Variants in NBN observed in about 807,000 individuals in gnomAD.
NBN encodes the protein Nijmegen breakage syndrome 1 (nibrin).
In NBN, 88 loss-of-function variants were observed where a neutral mutation model predicts 90.8. The observed-to-expected ratio is 0.97, with a 90% CI of 0.82 to 1.16. NBN has a LOEUF of 1.16. NBN is among the 50% of genes most tolerant of loss of function. NBN has a pLI of 0.00. For missense variants in NBN, 894 were observed against 869.6 expected (o/e 1.03, Z -0.35); for synonymous variants, 328 against 295.1 (o/e 1.11, Z -1.14).
chr8:89,955,688 A>G (rs1379761406), intron 9 of NBN, 133 bp from the exon 10 acceptor site: 11 of 1,035,186 alleles, frequency 1.1e-5, no homozygotes, highest in South Asian at 1.6e-5. Flanking sequence ...TACACTGAAT[A>G]TATTTTACCA....
rs867508924 is a variant in NBN, at chr8:89,933,979, A to G, written c.*1603T>C. 9.1e-5 allele frequency: 21 copies of G among 231,292 alleles called. No homozygotes were observed. The highest frequency in any genetic ancestry group is 3.4e-4 in the Admixed American group (6 of 17,730). 14.3% of individuals were successfully genotyped at this position (231,292 alleles called of 1,614,324 possible). ...AAGGAAAAATACTGACAACACCAAT[A>G]TTTGTAAAGACAGGAGGTACCAGAA... On this transcript the variant is annotated 3_prime_UTR_variant, in exon 16 of 16. Transcript: ENST00000265433.
At chr8:89,965,976 C>T (rs1811235265) in intron 7 of NBN, among the ~76,000 whole-genome samples, 1 of 152,050 alleles carries the variant, frequency 6.6e-6, no homozygotes, top group African/African-American at 2.4e-5. Flanking sequence ...TTAGGTAATT[C>T]AAAACTGGTA....
chr8:89,951,434 G>A (rs756697588), intron 11 of NBN, among the ~76,000 whole-genome samples: 29 of 151,954 alleles, frequency 1.9e-4, no homozygotes, highest in Admixed American at 1.2e-3. Context: ...CCAAAGGTGT[G>A]GCCAAAGTAA....
chr8:89,951,567 C>T (rs923129096), intron 11 of NBN, among the ~76,000 whole-genome samples: 2 of 152,018 alleles, frequency 1.3e-5, no homozygotes, highest in African/African-American at 4.8e-5. Flanking sequence ...ATAAAGATAG[C>T]TTTATAAACA....
chr8:89,955,379 G>A lies in NBN; in HGVS notation c.1301C>T (p.Thr434Ile), dbSNP rs757452107. 13 of 1,613,606 alleles carry A rather than the reference G, an allele frequency of 8.1e-6. No homozygotes were observed. Among genetic ancestry groups the A allele is most frequent in the Middle Eastern group, 1.6e-4 (1 of 6,080 alleles). ...ACTTTTATTTATACTTGGCAATTTA[G>A]TTGGTGAAAGCTGATAGTTTGGGAT... ...MRIPNYQLSP[T>I]KLPSINKSKD... The change falls in exon 10 of 16, where the codon ACT (threonine) becomes ATT (isoleucine). Residue 434 changes from threonine (T) to isoleucine (I), a missense_variant. Transcript: ENST00000265433.
rs868637892 is a variant in NBN, at chr8:89,981,301, A to T, written c.320+74T>A. Reference sequence around the variant, plus strand: ...TTATACTGTTTTAAATTCATTAATCAGAAATATCATTTTCCTTTAGGATTT... The same window carrying T: ...TTATACTGTTTTAAATTCATTAATCTGAAATATCATTTTCCTTTAGGATTT... On this transcript the variant is annotated intron_variant, in intron 3 of 15. Transcript: ENST00000265433. The T allele has an allele frequency of 2.3e-5, 33 of 1,452,908 alleles. No individual in the cohort carries two copies. In the Middle Eastern group the frequency reaches 8.7e-4, roughly 38 times the overall value. 90.0% of individuals were successfully genotyped at this position (1,452,908 alleles called of 1,614,324 possible).
At chr8:89,955,146 A>C (rs1810636593) in intron 10 of NBN, 137 bp downstream of exon 10, 1 of 791,032 alleles carries the variant, frequency 1.3e-6, no homozygotes, top group East Asian at 2.5e-5. Context: ...GACATTTCTG[A>C]GAGGGAAAGC....
chr8:89,948,325 C>T (rs553652466), intron 11 of NBN, among the ~76,000 whole-genome samples: 2 of 152,240 alleles, frequency 1.3e-5, no homozygotes, highest in African/African-American at 4.8e-5. Context: ...TTATTTTCTA[C>T]ATGTCTGTAC....
intron 7 of NBN, among the ~76,000 whole-genome samples, chr8:89,968,020 G>A (rs1487047714): frequency 6.6e-6 from 1 of 152,208 alleles, no homozygotes; most frequent in Admixed American, 6.5e-5. Flanking sequence ...CACTTTGGGA[G>A]GCTGAGGCAG....
intron 6 of NBN, 133 bp downstream of exon 6, chr8:89,971,040 G>A: frequency 1.0e-6 from 1 of 966,198 alleles, no homozygotes; most frequent in Non-Finnish European, 1.5e-6. Flanking sequence ...GGTGCCTGGG[G>A]TTTTTTTATT....
intron 7 of NBN, among the ~76,000 whole-genome samples, chr8:89,965,278 A>C (rs1811199386): frequency 6.6e-6 from 1 of 152,196 alleles, no homozygotes; most frequent in Non-Finnish European, 1.5e-5. Context: ...CATGTGTTAC[A>C]ACTTTTAGTA....
intron 4 of NBN, 97 bp downstream of exon 4, chr8:89,980,637 G>T: frequency 2.0e-6 from 2 of 1,004,616 alleles, no homozygotes; most frequent in Non-Finnish European, 3.0e-6. Flanking sequence ...TAACAGTTCT[G>T]ATAGTTTTAA....
In NBN at chr8:89,934,077, A is replaced by C; in HGVS notation, c.*1505T>G. On this transcript the variant is annotated 3_prime_UTR_variant, in exon 16 of 16. Transcript: ENST00000265433. ...GTAGGGCAGTCTTCCTTAGAAAGGG[A>C]TTGTGGGCATGACAGAGAACAATAT... The C allele has an allele frequency of 4.3e-6, 1 of 230,302 alleles. No homozygotes were observed. The highest frequency in any genetic ancestry group is 8.6e-6 in the Non-Finnish European group (1 of 116,240). The allele number at this position is 230,302 out of a possible 1,614,324, so 14.3% of individuals were successfully genotyped here.
chr8:89,966,296 T>C (rs918312972), intron 7 of NBN, among the ~76,000 whole-genome samples: 2 of 152,278 alleles, frequency 1.3e-5, no homozygotes, highest in African/African-American at 4.8e-5. Context: ...TAGATGATAA[T>C]GATTTATAGA....
rs1174990974 is a variant in NBN at position 89,958,728 on chromosome 8, G to A, written c.1121C>T (p.Thr374Ile). 3 of 1,613,890 alleles carry A rather than the reference G, an allele frequency of 1.9e-6. No individual in the cohort carries two copies. The highest frequency in any genetic ancestry group is 2.2e-5 in the East Asian group (1 of 44,878). The change falls in exon 9 of 16, where the codon ACA becomes ATA. Residue 374 changes from threonine to isoleucine, a missense_variant. By Grantham distance (89) the Thr-to-Ile change is moderately conservative. Coordinates refer to ENST00000265433, the MANE Select transcript of NBN (RefSeq NM_002485.5). ...TACGGTAATGAAGAAGCTTTACCAT[G>A]TATCTGCTTGCTCTGATTCTGTGTC... ...VADTESEQAD[T>I]WDLSERPKEI...
intron 7 of NBN, among the ~76,000 whole-genome samples, chr8:89,969,274 T>G (rs1348405542): frequency 1.3e-5 from 2 of 152,236 alleles, no homozygotes; most frequent in Non-Finnish European, 2.9e-5. Context: ...GTTAGCTCTT[T>G]TACAGTCTCC....
chr8:89,950,130 T>C (rs1402748877), intron 11 of NBN, among the ~76,000 whole-genome samples: 2 of 152,170 alleles, frequency 1.3e-5, no homozygotes, highest in African/African-American at 4.8e-5. Flanking sequence ...ACAGAAATAC[T>C]TTTGTAGCTA....
chr8:89,937,526 C>T (rs1423840519), intron 14 of NBN, among the ~76,000 whole-genome samples: 1 of 152,170 alleles, frequency 6.6e-6, no homozygotes, highest in South Asian at 2.1e-4. Flanking sequence ...TGCTAAATTA[C>T]CTCTCCTCTG....
intron 7 of NBN, among the ~76,000 whole-genome samples, chr8:89,965,156 CAAAT>C (rs1160495935): frequency 6.6e-6 from 1 of 150,976 alleles, no homozygotes; most frequent in Non-Finnish European, 1.5e-5. Flanking sequence ...CTTTTACAAA[CAAAT>C]CTACGGATAC....
Sources: gnomAD v4.1 joint callset for allele counts (sites outside exome capture counted in the v4.1 genomes callset) on GRCh38, gnomAD v4.1.1 for gene constraint, MANE v1.5 for transcripts, NCBI Gene and HGNC (gene_info 2026-07-23, HGNC 2026-07-21) for gene names.